CEP192: variants seen among roughly 807,000 people sequenced by gnomAD.
CEP192 encodes the protein centrosomal protein of 192 kDa.
Under a neutral mutation model 271.8 loss-of-function variants are expected in CEP192, and 151 were observed. The ratio of observed to expected loss-of-function variants is 0.56; its 90% CI spans 0.49 to 0.64. The LOEUF is 0.64. Ranked by LOEUF, CEP192 falls within the 30% of genes least tolerant of loss-of-function variation. CEP192 has a pLI of 0.00. For missense variants in CEP192, 2,910 were observed against 3,020.5 expected (o/e 0.96, Z 0.86); for synonymous variants, 995 against 1,076.5 (o/e 0.92, Z 1.48).
In CEP192 at chr18:13,069,178, C is replaced by G; in HGVS notation, c.5052C>G (p.Ile1684Met). ...NAGNIEVYLD[I>M]KVPEQGSHFS... is the part of the protein sequence containing the mutation. ...GGAACATTGAAGTTTATTTGGATAT[C>G]AAGGTATGCACTTCCATGAGAGTGC... Residue 1684 changes from isoleucine (I) to methionine (M), a missense_variant, in exon 26 of 45, where the codon ATC becomes ATG. By Grantham distance (10) the Ile-to-Met change is conservative. Coordinates refer to ENST00000506447, the MANE Select transcript of CEP192 (RefSeq NM_032142.4). 6.2e-7 allele frequency: 1 copy of G among 1,612,454 alleles called. No homozygotes were observed. Among genetic ancestry groups the G allele is most frequent in the Non-Finnish European group, 8.5e-7 (1 of 1,178,454 alleles).
chr18:13,076,998 G>C (rs958937536), intron 30 of CEP192, among the ~76,000 whole-genome samples: 19 of 152,040 alleles, frequency 1.2e-4, no homozygotes, highest in African/African-American at 4.8e-5. Context: ...GGCCAAGCTT[G>C]TCTCAAACTC....
chr18:13,047,134 A>T (rs1341018032), intron 15 of CEP192, among the ~76,000 whole-genome samples: 1 of 152,194 alleles, frequency 6.6e-6, no homozygotes, highest in African/African-American at 2.4e-5. Flanking sequence ...AAGGGAGATG[A>T]TATCTTCCAG....
intron 21 of CEP192, among the ~76,000 whole-genome samples, chr18:13,066,008 A>G (rs1208816131): frequency 6.6e-6 from 1 of 152,228 alleles, no homozygotes; most frequent in Admixed American, 6.5e-5. Flanking sequence ...CCTGCAAGAA[A>G]GGAAGTCAAT....
At chr18:13,066,320 T>C (rs564186263) in intron 21 of CEP192, among the ~76,000 whole-genome samples, 13 of 152,354 alleles carry the variant, frequency 8.5e-5, no homozygotes, top group African/African-American at 2.9e-4. Flanking sequence ...GTTATCTACA[T>C]TTAAAGTGAA....
At chr18:13,086,290 T>C (rs2038892811) in intron 30 of CEP192, among the ~76,000 whole-genome samples, 1 of 152,236 alleles carries the variant, frequency 6.6e-6, no homozygotes, top group African/African-American at 2.4e-5. Flanking sequence ...ACTGAGACGA[T>C]GGGGTTTTCT....
rs1007285255 is a variant in CEP192, at chr18:13,087,176, A to C, written c.5776A>C (p.Lys1926Gln). ...RNTGSRAAFV[K>Q]AVGFKDSQKK... ...CACTGGCTCCCGAGCAGCTTTTGTT[A>C]AAGCAGTAGGTTTTAAGGATTCTCA... Residue 1926 changes from lysine (K) to glutamine (Q), a missense_variant, in exon 31 of 45, where the codon AAA (lysine) becomes CAA (glutamine). Physicochemically the swap from Lys to Gln is moderately conservative, Grantham distance 53 (BLOSUM62 1). Coordinates refer to ENST00000506447, the MANE Select transcript of CEP192 (RefSeq NM_032142.4). The C allele has an allele frequency of 5.0e-6, 8 of 1,613,996 alleles. No individual in the cohort carries two copies. The African/African-American group carries it at 1.1e-4, about 22-fold the overall frequency.
At chr18:13,039,509 C>T (rs144242847) in intron 13 of CEP192, among the ~76,000 whole-genome samples, 17 of 151,964 alleles carry the variant, frequency 1.1e-4, no homozygotes, top group African/African-American at 4.1e-4. Context: ...AGACTTTTCC[C>T]TCCATTAGTG....
intron 11 of CEP192, among the ~76,000 whole-genome samples, chr18:13,031,397 G>A (rs1465360096): frequency 1.3e-5 from 2 of 151,942 alleles, no homozygotes; most frequent in Non-Finnish European, 2.9e-5. Flanking sequence ...ACAGGCACCT[G>A]CCACTACGCC....
chr18:13,011,699 T>C, intron 4 of CEP192, among the ~76,000 whole-genome samples: 1 of 152,102 alleles, frequency 6.6e-6, no homozygotes, highest in East Asian at 1.9e-4. Context: ...GTATATTTAG[T>C]AGAGACGGGC....
chr18:13,009,659 C>G (rs975315259), intron 4 of CEP192, among the ~76,000 whole-genome samples: 2 of 152,002 alleles, frequency 1.3e-5, no homozygotes, highest in Admixed American at 1.3e-4. Context: ...ATGGCGAAAC[C>G]CTGTCTCTCC....
intron 6 of CEP192, among the ~76,000 whole-genome samples, chr18:13,016,373 A>G (rs2034647402): frequency 6.6e-6 from 1 of 152,264 alleles, no homozygotes; most frequent in Middle Eastern, 3.4e-3. Flanking sequence ...TACAGCACCT[A>G]TAGGAGGCCA....
At chr18:13,097,725 G>A (rs1348541054) in intron 36 of CEP192, among the ~76,000 whole-genome samples, 1 of 149,000 alleles carries the variant, frequency 6.7e-6, no homozygotes, top group East Asian at 2.0e-4. Flanking sequence ...GACAATAGTG[G>A]AGGGAAGGTC....
At chr18:13,116,759 G>A (rs1248722587) in intron 43 of CEP192, among the ~76,000 whole-genome samples, 1 of 151,980 alleles carries the variant, frequency 6.6e-6, no homozygotes, top group Non-Finnish European at 1.5e-5. Context: ...ACAGGTGCCC[G>A]CCACCACGCC....
At chr18:13,074,203 T>A (rs2038157430) in intron 30 of CEP192, among the ~76,000 whole-genome samples, 1 of 152,132 alleles carries the variant, frequency 6.6e-6, no homozygotes, top group African/African-American at 2.4e-5. Context: ...ATCTAAAAGT[T>A]TTTAGAATTA....
In CEP192 at chr18:13,116,509, T is replaced by C. The variant is rs1396536443; in HGVS notation, c.7416+6T>C. ...ATTCTTTTATTACACACTCAGTAAGTTGGAAATATTACTATGGGTTTTGGA... is the reference window on the plus strand; with the variant it reads ...ATTCTTTTATTACACACTCAGTAAGCTGGAAATATTACTATGGGTTTTGGA... On this transcript the variant is annotated splice_donor_region_variant and intron_variant, in intron 43 of 44. Transcript: ENST00000506447. 1.9e-6 allele frequency: 3 copies of C among 1,591,364 alleles called. No homozygotes were observed.
chr18:13,062,137 G>A (rs1245044653), intron 21 of CEP192, among the ~76,000 whole-genome samples: 1 of 152,198 alleles, frequency 6.6e-6, no homozygotes, highest in Non-Finnish European at 1.5e-5. Context: ...AACTACTGAT[G>A]TCTGTGTCTG....
Position 13,049,318 on chromosome 18 carries a change from G to C in CEP192, c.2527G>C (p.Ala843Pro), listed in dbSNP as rs1428425496. The C allele has an allele frequency of 6.2e-7, 1 of 1,614,114 alleles. No homozygotes were observed. Among genetic ancestry groups the C allele is most frequent in the Admixed American group, 1.7e-5 (1 of 60,022 alleles). Residue 843 changes from alanine to proline, a missense_variant, in exon 16 of 45, where the codon GCT becomes CCT. Ala to Pro is a conservative substitution (Grantham distance 27). Coordinates refer to ENST00000506447, the MANE Select transcript of CEP192 (RefSeq NM_032142.4). ...SVRAPEENTA[A>P]IVYVENGESE... Reference sequence around the variant, plus strand: ...GAGGGCACCAGAAGAAAACACAGCAGCTATTGTTTATGTTGAAAATGGAGA... The same window carrying C: ...GAGGGCACCAGAAGAAAACACAGCACCTATTGTTTATGTTGAAAATGGAGA...
chr18:13,097,395 T>C (rs1441179051), intron 36 of CEP192, among the ~76,000 whole-genome samples: 6 of 152,314 alleles, frequency 3.9e-5, no homozygotes, highest in Middle Eastern at 3.4e-3. Flanking sequence ...CCAGAAAATA[T>C]AAGCAGCCGG....
At chr18:13,034,316 C>T (rs571658381) in intron 11 of CEP192, among the ~76,000 whole-genome samples, 1 of 151,836 alleles carries the variant, frequency 6.6e-6, no homozygotes, top group African/African-American at 2.4e-5. Flanking sequence ...TGGACTAGAT[C>T]CAGGGAAATA....
Sources: gnomAD v4.1 joint callset for allele counts (sites outside exome capture counted in the v4.1 genomes callset) on GRCh38, gnomAD v4.1.1 for gene constraint, MANE v1.5 for transcripts, NCBI Gene and HGNC (gene_info 2026-07-23, HGNC 2026-07-21) for gene names.